The following CDH4 variants were observed in gnomAD, a reference collection of about 807,000 sequenced individuals.
CDH4 encodes the protein cadherin 4, also known as cadherin-4.
CDH4 carries 33 observed loss-of-function variants against 86.0 expected under a neutral mutation model. The ratio of observed to expected loss-of-function variants is 0.38; its 90% CI spans 0.29 to 0.51. The LOEUF is 0.51. Ranked by LOEUF, CDH4 falls within the 20% of genes least tolerant of loss-of-function variation. CDH4 has a pLI of 0.86. For synonymous variants in CDH4, 555 were observed against 549.4 expected, an observed-to-expected ratio of 1.01 and a Z score of -0.14; for missense variants, 1,114 against 1,307.4, an observed-to-expected ratio of 0.85 and a Z score of 2.28.
chr20:61,739,977 C>T (rs2088313461), intron 2 of CDH4, among the ~76,000 whole-genome samples: 1 of 152,230 alleles, frequency 6.6e-6, no homozygotes, highest in Admixed American at 6.5e-5. Context: ...ACCCTCAGTG[C>T]ATGCCGACAC....
At chr20:61,896,386 G>A (rs991322245) in intron 8 of CDH4, among the ~76,000 whole-genome samples, 4 of 152,204 alleles carry the variant, frequency 2.6e-5, no homozygotes, top group African/African-American at 7.2e-5. Flanking sequence ...GGCCTCCTGC[G>A]TCCTGCATCC....
rs140360906 is a variant in CDH4 at position 61,908,226 on chromosome 20, C to T, written c.1189-2196C>T. ...GTGTGGGCTCTGAATTCTTCTGTCG[C>T]GTCGCCGTCCTTTTTAGGAATGCTG... is the stretch of plus-strand genomic sequence containing the variant. On this transcript the variant is annotated intron_variant, in intron 8 of 15. Transcript: ENST00000614565. Among the ~76,000 whole-genome samples the T allele has an allele frequency of 5.3e-3, 805 of 152,322 alleles. 6 individuals carry two copies. The highest frequency in any genetic ancestry group is 0.018 in the African/African-American group (765 of 41,564).
chr20:61,836,524 C>T (rs962175990), intron 4 of CDH4, among the ~76,000 whole-genome samples: 1 of 152,172 alleles, frequency 6.6e-6, no homozygotes, highest in Non-Finnish European at 1.5e-5. Flanking sequence ...CTTCACATCC[C>T]GGGCTTTTCT....
chr20:61,414,671 G>A (rs1052269496), intron 2 of CDH4, among the ~76,000 whole-genome samples: 2 of 152,220 alleles, frequency 1.3e-5, no homozygotes, highest in African/African-American at 4.8e-5. Flanking sequence ...GGGGCTTGCT[G>A]GCAGAGAGCT....
chr20:61,458,248 CATG>C (rs1390640683), intron 2 of CDH4, among the ~76,000 whole-genome samples: 1 of 147,414 alleles, frequency 6.8e-6, no homozygotes, highest in Non-Finnish European at 1.5e-5. Flanking sequence ...TGGTTATGGT[CATG>C]ATGTTGATGA....
rs1477266810 is a variant in CDH4 at position 61,694,815 on chromosome 20, C to T, written c.170-48748C>T. On this transcript the variant is annotated intron_variant, in intron 2 of 15. Coordinates refer to ENST00000614565, the MANE Select transcript of CDH4 (RefSeq NM_001794.5). Reference sequence around the variant, plus strand: ...GCGGTTTTCTCCTCTGCACGGGAGCCACCTTCACAAGCCTGCTCTGCCGAG... The same window carrying T: ...GCGGTTTTCTCCTCTGCACGGGAGCTACCTTCACAAGCCTGCTCTGCCGAG... Among the ~76,000 whole-genome samples, 5 of 152,314 alleles carry T rather than the reference C, an allele frequency of 3.3e-5. No individual in the cohort carries two copies. The East Asian group carries it at 9.7e-4, about 29-fold the overall frequency.
intron 2 of CDH4, among the ~76,000 whole-genome samples, chr20:61,532,733 C>A (rs188423463): frequency 6.6e-6 from 1 of 152,110 alleles, no homozygotes; most frequent in South Asian, 2.1e-4. Context: ...GGTTCTCTGG[C>A]CGGGTTCTAG....
intron 2 of CDH4, among the ~76,000 whole-genome samples, chr20:61,728,384 A>C (rs2088139676): frequency 6.6e-6 from 1 of 152,154 alleles, no homozygotes; most frequent in South Asian, 2.1e-4. Context: ...CCTTATTCTC[A>C]TCCTTCCATC....
intron 4 of CDH4, among the ~76,000 whole-genome samples, chr20:61,785,301 G>A (rs1043002248): frequency 6.6e-6 from 1 of 152,172 alleles, no homozygotes; most frequent in Non-Finnish European, 1.5e-5. Context: ...CCTACCATCC[G>A]CTTCCTCCTG....
chr20:61,476,041 A>G (rs2085533826), intron 2 of CDH4, among the ~76,000 whole-genome samples: 1 of 152,174 alleles, frequency 6.6e-6, no homozygotes, highest in Admixed American at 6.5e-5. Flanking sequence ...GACCAGTCCT[A>G]TTGGACGCAC....
chr20:61,309,833 G>A (rs2084436238), intron 2 of CDH4, among the ~76,000 whole-genome samples: 1 of 152,162 alleles, frequency 6.6e-6, no homozygotes, highest in Non-Finnish European at 1.5e-5. Context: ...AGTTAGGACA[G>A]TTTCGTCCTA....
At chr20:61,511,688 G>A (rs1191729717) in intron 2 of CDH4, among the ~76,000 whole-genome samples, 1 of 152,236 alleles carries the variant, frequency 6.6e-6, no homozygotes, top group Non-Finnish European at 1.5e-5. Context: ...CGAGAGAGAA[G>A]ATGTTCATGT....
intron 2 of CDH4, among the ~76,000 whole-genome samples, chr20:61,288,000 A>G (rs2084302209): frequency 6.6e-6 from 1 of 152,208 alleles, no homozygotes; most frequent in Non-Finnish European, 1.5e-5. Flanking sequence ...TCAGTGAAAT[A>G]TGAGTTCCAC....
chr20:61,692,237 A>G (rs1019781992), intron 2 of CDH4, among the ~76,000 whole-genome samples: 2 of 149,956 alleles, frequency 1.3e-5, no homozygotes, highest in Non-Finnish European at 3.0e-5. Flanking sequence ...ATGTGTGTGT[A>G]TGTATGTGTG....
rs192765375 is a variant in CDH4, at chr20:61,871,737, C to T, written c.878-1991C>T. 1.9e-3 allele frequency among the ~76,000 whole-genome samples: 293 copies of T among 152,276 alleles called. 1 individual carries two copies. The highest frequency in any genetic ancestry group is 1.0e-2 in the South Asian group (48 of 4,814). On this transcript the variant is annotated intron_variant, in intron 6 of 15. Coordinates refer to ENST00000614565, the MANE Select transcript of CDH4 (RefSeq NM_001794.5). ...GTCCCTAGTTCCAGAGGCTGATGGT[C>T]GCCAGGCCACGGCCCCTCCCACCCG...
chr20:61,923,058 C>G (rs1442654853), intron 9 of CDH4, among the ~76,000 whole-genome samples: 2 of 152,220 alleles, frequency 1.3e-5, no homozygotes, highest in Non-Finnish European at 2.9e-5. Flanking sequence ...CTGGTGAGGC[C>G]CCGCTGGCCA....
chr20:61,346,843 C>T (rs981636835), intron 2 of CDH4, among the ~76,000 whole-genome samples: 3 of 152,118 alleles, frequency 2.0e-5, no homozygotes, highest in East Asian at 3.9e-4. Flanking sequence ...AGGTGAGAGG[C>T]GACGGTGAGT....
chr20:61,430,102 C>A (rs1264052227), intron 2 of CDH4, among the ~76,000 whole-genome samples: 1 of 152,164 alleles, frequency 6.6e-6, no homozygotes, highest in Non-Finnish European at 1.5e-5. Context: ...CAGGGGATGC[C>A]CCTATACTTA....
intron 2 of CDH4, among the ~76,000 whole-genome samples, chr20:61,625,521 A>T (rs975087558): frequency 6.6e-6 from 1 of 152,212 alleles, no homozygotes. Flanking sequence ...AGGGTCAGGA[A>T]TAACGATCAT....
Sources: gnomAD v4.1 joint callset for allele counts (sites outside exome capture counted in the v4.1 genomes callset) on GRCh38, gnomAD v4.1.1 for gene constraint, MANE v1.5 for transcripts, NCBI Gene and HGNC (gene_info 2026-07-23, HGNC 2026-07-21) for gene names.